Variants in ADPGK observed in about 807,000 individuals in gnomAD.
The protein encoded by ADPGK is ADP-dependent glucokinase.
A neutral mutation model predicts 42.4 loss-of-function variants in ADPGK; 26 were observed. The observed-to-expected ratio is 0.61, with a 90% CI of 0.45 to 0.85. The LOEUF is 0.85. Ranked by LOEUF, ADPGK falls within the 40% of genes least tolerant of loss-of-function variation. The pLI is 0.00. For missense variants in ADPGK, 571 were observed against 627.0 expected, an observed-to-expected ratio of 0.91 and a Z score of 0.95; for synonymous variants, 267 against 252.6, an observed-to-expected ratio of 1.06 and a Z score of -0.54.
At chr15:72,771,732 T>G (rs757927076) in intron 3 of ADPGK, 51 bp downstream of exon 3, 30 of 1,526,388 alleles carry the variant, frequency 2.0e-5, no homozygotes, top group African/African-American at 2.8e-5. Flanking sequence ...CTCCTAAAAT[T>G]ATTGAAACAC....
intron 2 of ADPGK, among the ~76,000 whole-genome samples, chr15:72,772,805 C>G (rs1342782479): frequency 6.6e-6 from 1 of 152,076 alleles, no homozygotes; most frequent in Non-Finnish European, 1.5e-5. Context: ...CCTTAAACAC[C>G]ACATCTCTCA....
At chr15:72,764,224 G>T (rs973129291) in intron 3 of ADPGK, among the ~76,000 whole-genome samples, 2 of 152,146 alleles carry the variant, frequency 1.3e-5, no homozygotes, top group Non-Finnish European at 2.9e-5. Flanking sequence ...GCCAAGTTGT[G>T]AATGCAAAAA....
chr15:72,773,362 C>T (rs2066351959), intron 2 of ADPGK, among the ~76,000 whole-genome samples: 3 of 151,982 alleles, frequency 2.0e-5, no homozygotes. Context: ...GAAATTTGGC[C>T]CTTTAACATG....
Position 72,752,308 on chromosome 15 carries a change from C to T in ADPGK, c.*33G>A, listed in dbSNP as rs2066054809. ...TGTAATTCTTAAGTTGGCTAGTTCT[C>T]CTTCCTCAGAAAAATTACCCCTAAG... is the stretch of plus-strand genomic sequence containing the variant. On this transcript the variant is annotated 3_prime_UTR_variant, in exon 7 of 7. Coordinates refer to ENST00000456471, the MANE Select transcript of ADPGK (RefSeq NM_001365225.1). The T allele has an allele frequency of 6.4e-7, 1 of 1,565,752 alleles. No individual in the cohort carries two copies. The highest frequency in any genetic ancestry group is 2.3e-5 in the East Asian group (1 of 44,442).
intron 3 of ADPGK, among the ~76,000 whole-genome samples, chr15:72,762,443 T>C (rs1316184670): frequency 6.6e-6 from 1 of 152,180 alleles, no homozygotes; most frequent in Non-Finnish European, 1.5e-5. Flanking sequence ...GATAAAAACA[T>C]ACTCCTCTCC....
chr15:72,768,862 C>A (rs1171924380), intron 3 of ADPGK, among the ~76,000 whole-genome samples: 1 of 151,376 alleles, frequency 6.6e-6, no homozygotes, highest in East Asian at 1.9e-4. Flanking sequence ...CCTAAATACT[C>A]AGGAACTCGG....
intron 1 of ADPGK, among the ~76,000 whole-genome samples, chr15:72,775,894 C>T (rs956897713): frequency 3.9e-5 from 6 of 152,086 alleles, no homozygotes; most frequent in African/African-American, 7.2e-5. Context: ...AGAGTGTTTC[C>T]GATTTTGGAA....
chr15:72,752,844 A>G lies in ADPGK; in HGVS notation c.991T>C (p.Phe331Leu), dbSNP rs1440077970. ...SLGLNEQELLFLTQSASGPHS... is the reference protein window; with the variant it reads ...SLGLNEQELLLLTQSASGPHS... ...GGTCCAGAGGCTGACTGGGTGAGAA[A>G]TAACAGCTCCTGTTCATTCAGCCCA... The change falls in exon 7 of 7, where the codon TTT becomes CTT. Residue 331 changes from phenylalanine (F) to leucine (L), a missense_variant. Physicochemically the swap from Phe to Leu is conservative, Grantham distance 22 (BLOSUM62 0). Around this residue, in one of 2 missense-constraint regions of ADPGK, gnomAD observed 434 missense variants for 522.7 expected, o/e 0.83. Coordinates refer to ENST00000456471, the MANE Select transcript of ADPGK (RefSeq NM_001365225.1). 1 of 1,614,096 alleles carries G rather than the reference A, an allele frequency of 6.2e-7. No individual in the cohort carries two copies. The highest frequency in any genetic ancestry group is 2.2e-5 in the East Asian group (1 of 44,904).
At chr15:72,779,433 T>C (rs1487605325) in intron 1 of ADPGK, among the ~76,000 whole-genome samples, 1 of 151,886 alleles carries the variant, frequency 6.6e-6, no homozygotes, top group African/African-American at 2.4e-5. Context: ...TTAGTAGAGA[T>C]GGGGTTTCTC....
Position 72,775,534 on chromosome 15 carries a change from G to A in ADPGK, c.234-437C>T, listed in dbSNP as rs139375407. Among the ~76,000 whole-genome samples, 470 of 152,320 alleles carry A rather than the reference G, an allele frequency of 3.1e-3. 1 individual carries two copies. The highest frequency in any genetic ancestry group is 0.01 in the African/African-American group (436 of 41,566). On this transcript the variant is annotated intron_variant, in intron 1 of 6. Coordinates refer to ENST00000456471, the MANE Select transcript of ADPGK (RefSeq NM_001365225.1). ...ATGAGCATTTAACTCATAGAGCTAT[G>A]GTTAAGATTAAATAAGTGAATGTAT... is the stretch of plus-strand genomic sequence containing the variant.
In ADPGK at chr15:72,752,849, A is replaced by G; in HGVS notation, c.986T>C (p.Leu329Pro). The G allele has an allele frequency of 2.5e-6, 4 of 1,614,212 alleles. No homozygotes were observed. Among genetic ancestry groups the G allele is most frequent in the Non-Finnish European group, 3.4e-6 (4 of 1,180,042 alleles). Residue 329 changes from leucine (L) to proline (P), a missense_variant, in exon 7 of 7, where the codon CTG becomes CCG. Transcript: ENST00000456471. ...AGAGGCTGACTGGGTGAGAAATAAC[A>G]GCTCCTGTTCATTCAGCCCAAGGGA... ...VTSLGLNEQE[L>P]LFLTQSASGP...
intron 4 of ADPGK, among the ~76,000 whole-genome samples, chr15:72,759,928 A>G (rs1234948705): frequency 6.6e-6 from 1 of 152,232 alleles, no homozygotes; most frequent in East Asian, 1.9e-4. Context: ...AAACACTTCC[A>G]TTCACACACC....
chr15:72,765,112 GCAACATCCAT>G (rs2066242075), intron 3 of ADPGK, among the ~76,000 whole-genome samples: 2 of 152,048 alleles, frequency 1.3e-5, no homozygotes, highest in Admixed American at 6.6e-5. Flanking sequence ...ACCTGCTAAT[GCAACATCCAT>G]TCTGCAACCC....
chr15:72,753,139 C>G (rs1210048781), intron 6 of ADPGK, among the ~76,000 whole-genome samples: 1 of 152,158 alleles, frequency 6.6e-6, no homozygotes, highest in Non-Finnish European at 1.5e-5. Context: ...TTGTGATATG[C>G]CACTGTAAGA....
At chr15:72,763,316 TAA>T (rs2066218649) in intron 3 of ADPGK, among the ~76,000 whole-genome samples, 1 of 142,016 alleles carries the variant, frequency 7.0e-6, no homozygotes, top group Admixed American at 6.9e-5. Context: ...CACACTCGGC[TAA>T]TTTTTTTTTT....
chr15:72,760,155 C>T lies in ADPGK; in HGVS notation c.643+252G>A, dbSNP rs572169947. The T allele has an allele frequency of 6.4e-4, 164 of 257,734 alleles. 4 individuals carry two copies. In the South Asian group the frequency reaches 0.015, roughly 23 times the overall value. 16.0% of individuals were successfully genotyped at this position (257,734 alleles called of 1,614,324 possible). The stretch of plus-strand genomic sequence containing the variant: ...TTTGAGATGCTTGCTTTCCTATGAC[C>T]TGATTTATCTTGGGTTCGGAGCAAT... On this transcript the variant is annotated intron_variant, in intron 4 of 6. Transcript: ENST00000456471.
chr15:72,776,002 T>C (rs770602500), intron 1 of ADPGK, among the ~76,000 whole-genome samples: 2 of 152,112 alleles, frequency 1.3e-5, no homozygotes, highest in Non-Finnish European at 2.9e-5. Context: ...CTTTATACAA[T>C]GTTTTAAATA....
chr15:72,782,115 C>A (rs1157002176), intron 1 of ADPGK, among the ~76,000 whole-genome samples: 2 of 152,182 alleles, frequency 1.3e-5, no homozygotes, highest in Non-Finnish European at 2.9e-5. Flanking sequence ...ATGACTGATA[C>A]AATAATATGT....
intron 5 of ADPGK, chr15:72,755,971 A>G: frequency 1.5e-6 from 1 of 661,260 alleles, no homozygotes; most frequent in Non-Finnish European, 2.8e-6. Context: ...CAAAGGACAC[A>G]AACTACAAAC....
Sources: gnomAD v4.1 joint callset for allele counts (sites outside exome capture counted in the v4.1 genomes callset) on GRCh38, gnomAD v4.1.1 for gene constraint, gnomAD v4.1.1 regional missense constraint, MANE v1.5 for transcripts, NCBI Gene and HGNC (gene_info 2026-07-23, HGNC 2026-07-21) for gene names.